The following VPS13B variants were observed in gnomAD, a reference collection of about 807,000 sequenced individuals.
VPS13B encodes vacuolar protein sorting 13 homolog B, also known as intermembrane lipid transfer protein VPS13B.
VPS13B carries 285 observed loss-of-function variants against 426.4 expected under a neutral mutation model. That is an observed-to-expected ratio of 0.67 (90% CI 0.61 to 0.74). The LOEUF is 0.74. VPS13B is among the 30% of genes least tolerant of loss of function. VPS13B has a pLI of 0.00. For missense variants in VPS13B, 4,537 were observed against 4,782.6 expected, an observed-to-expected ratio of 0.95 and a Z score of 1.51; for synonymous variants, 1,676 against 1,676.4, an observed-to-expected ratio of 1.00 and a Z score of 0.01.
intron 6 of VPS13B, among the ~76,000 whole-genome samples, chr8:99,111,897 C>T (rs1159074321): frequency 1.3e-5 from 2 of 152,154 alleles, no homozygotes; most frequent in Middle Eastern, 3.4e-3. Context: ...TACCATCATC[C>T]AGATAGTGAA....
intron 60 of VPS13B, 183 bp from the exon 61 acceptor site, chr8:99,871,265 G>T (rs1817395240): frequency 2.2e-6 from 2 of 914,718 alleles, no homozygotes; most frequent in Admixed American, 4.3e-5. Context: ...CCAGGAGGAA[G>T]CAGGTTCTGT....
intron 13 of VPS13B, among the ~76,000 whole-genome samples, chr8:99,146,915 T>C (rs1248022997): frequency 6.6e-6 from 1 of 152,142 alleles, no homozygotes; most frequent in Admixed American, 6.5e-5. Flanking sequence ...ATTTTTCTCA[T>C]GGAAAAGTCC....
At chr8:99,617,428 A>G (rs1329930450) in intron 33 of VPS13B, among the ~76,000 whole-genome samples, 1 of 152,140 alleles carries the variant, frequency 6.6e-6, no homozygotes, top group Admixed American at 6.5e-5. Flanking sequence ...TCCCGGGTTC[A>G]AGCAATTCTC....
In VPS13B at chr8:99,876,370, AT is replaced by A. The variant is rs1817703405; in HGVS notation, c.*706del. 5 of 151,736 alleles carry A rather than the reference AT, an allele frequency of 3.3e-5. No homozygotes were observed. Among genetic ancestry groups the A allele is most frequent in the African/African-American group, 1.2e-4 (5 of 40,980 alleles). The allele number at this position is 151,736 out of a possible 1,614,324, so 9.4% of individuals were successfully genotyped here. ...TACTAAAATTTACAACAGTCTGATGATTGATTGATTACTGTCCAGGTACATT... is the reference window on the plus strand; with the variant it reads ...TACTAAAATTTACAACAGTCTGATGATGATTGATTACTGTCCAGGTACATT... On this transcript the variant is annotated 3_prime_UTR_variant, in exon 62 of 62. Transcript: ENST00000357162.
intron 40 of VPS13B, among the ~76,000 whole-genome samples, chr8:99,775,622 G>T (rs887838445): frequency 2.0e-5 from 3 of 152,200 alleles, no homozygotes; most frequent in Non-Finnish European, 4.4e-5. Context: ...TACAGGCTGG[G>T]ATTGGTGGCT....
chr8:99,249,427 G>GT lies in VPS13B; in HGVS notation c.2516-24754dup, dbSNP rs35700362. Among the ~76,000 whole-genome samples the GT allele has an allele frequency of 2.9e-3, 337 of 117,692 alleles. 2 individuals carry two copies. The highest frequency in any genetic ancestry group is 7.4e-3 in the African/African-American group (227 of 30,656). The allele number at this position is 117,692 out of a possible 152,430, so 77.2% of individuals were successfully genotyped here. ...TACTGGGCTATACGGTAGTTGAATG[G>GT]TTTTTTTTTTTTTTTTTGAGATGGA... On this transcript the variant is annotated intron_variant, in intron 17 of 61. Coordinates refer to ENST00000357162, the MANE Select transcript of VPS13B (RefSeq NM_152564.5).
chr8:99,722,759 G>A lies in VPS13B; in HGVS notation c.7050+1712G>A, dbSNP rs1047563250. Among the ~76,000 whole-genome samples the A allele has an allele frequency of 2.2e-4, 34 of 152,100 alleles. 1 individual carries two copies. Among genetic ancestry groups the A allele is most frequent in the African/African-American group, 7.5e-4 (31 of 41,500 alleles). Reference sequence around the variant, plus strand: ...CCTGACCTCATGATCCACCTGCCTCGGCCTCCCAAAGTGCTGGGATTACAG... The same window carrying A: ...CCTGACCTCATGATCCACCTGCCTCAGCCTCCCAAAGTGCTGGGATTACAG... On this transcript the variant is annotated intron_variant, in intron 39 of 61. Transcript: ENST00000357162.
At chr8:99,698,218 G>A (rs1379647410) in intron 35 of VPS13B, among the ~76,000 whole-genome samples, 8 of 152,232 alleles carry the variant, frequency 5.3e-5, no homozygotes, top group African/African-American at 1.9e-4. Flanking sequence ...CCCCTCCACA[G>A]AATTGTGTTG....
intron 14 of VPS13B, among the ~76,000 whole-genome samples, chr8:99,155,693 T>G (rs1032841395): frequency 3.3e-5 from 5 of 152,186 alleles, no homozygotes; most frequent in African/African-American, 1.2e-4. Flanking sequence ...CACTTTTGGT[T>G]TTTTGGATTG....
chr8:99,133,005 A>G (rs1809882775), intron 8 of VPS13B, among the ~76,000 whole-genome samples: 1 of 152,190 alleles, frequency 6.6e-6, no homozygotes, highest in African/African-American at 2.4e-5. Context: ...AAGTTACCAG[A>G]TATGTTAGCC....
intron 33 of VPS13B, among the ~76,000 whole-genome samples, chr8:99,602,279 G>A (rs955851156): frequency 6.6e-6 from 1 of 152,096 alleles, no homozygotes; most frequent in East Asian, 1.9e-4. Context: ...GCTTGTTTTT[G>A]TCAGGTTTGT....
intron 43 of VPS13B, among the ~76,000 whole-genome samples, chr8:99,800,921 C>G (rs984829223): frequency 1.2e-4 from 19 of 152,112 alleles, no homozygotes; most frequent in African/African-American, 3.9e-4. Flanking sequence ...AAATTTGATA[C>G]CCTGACTTAC....
chr8:99,034,385 T>C (rs28479500), intron 2 of VPS13B, among the ~76,000 whole-genome samples: 108,388 of 151,388 alleles, frequency 0.72, 39,835 homozygotes, highest in South Asian at 0.87. Flanking sequence ...TATTGGGTAA[T>C]ACTTTCAAAG....
intron 43 of VPS13B, among the ~76,000 whole-genome samples, chr8:99,794,071 G>A (rs952875247): frequency 5.3e-5 from 8 of 152,110 alleles, no homozygotes; most frequent in African/African-American, 1.7e-4. Context: ...ACTAGCCAGG[G>A]GCAACATAGC....
chr8:99,376,795 T>C (rs1459706103), intron 19 of VPS13B, among the ~76,000 whole-genome samples: 2 of 152,048 alleles, frequency 1.3e-5, no homozygotes, highest in Non-Finnish European at 2.9e-5. Context: ...GCCATTTTGT[T>C]TACTAGGTTT....
At chr8:99,661,297 C>A in intron 34 of VPS13B, 57 bp from the exon 35 acceptor site, 2 of 1,603,462 alleles carry the variant, frequency 1.2e-6, no homozygotes, top group South Asian at 2.2e-5. Flanking sequence ...ACTCATATAT[C>A]AAAATGAGAT....
chr8:99,014,077 C>A (rs1160784761), intron 2 of VPS13B, 142 bp downstream of exon 2: 1 of 486,592 alleles, frequency 2.1e-6, no homozygotes, highest in Non-Finnish European at 3.4e-6. Flanking sequence ...AACAAGGGGG[C>A]TTTATTTTAC....
intron 35 of VPS13B, among the ~76,000 whole-genome samples, chr8:99,662,055 A>G (rs1830249900): frequency 1.3e-5 from 2 of 152,160 alleles, no homozygotes; most frequent in African/African-American, 2.4e-5. Flanking sequence ...AGGAGTATGT[A>G]CTATAGTTAT....
chr8:99,480,221 T>C (rs1819963414), intron 24 of VPS13B, among the ~76,000 whole-genome samples: 1 of 152,198 alleles, frequency 6.6e-6, no homozygotes, highest in Non-Finnish European at 1.5e-5. Flanking sequence ...CTGAGTTCTG[T>C]TAGCAACTTT....
Sources: gnomAD v4.1 joint callset for allele counts (sites outside exome capture counted in the v4.1 genomes callset) on GRCh38, gnomAD v4.1.1 for gene constraint, MANE v1.5 for transcripts, NCBI Gene and HGNC (gene_info 2026-07-23, HGNC 2026-07-21) for gene names.